DENND11: variants seen among roughly 807,000 people sequenced by gnomAD.
DENND11 encodes DENN domain-containing protein 11.
Under a neutral mutation model 49.2 loss-of-function variants are expected in DENND11, and 34 were observed. The observed-to-expected ratio is 0.69, with a 90% confidence interval of 0.53 to 0.92. The LOEUF is 0.92. Ranked by LOEUF, DENND11 falls within the 40% of genes least tolerant of loss-of-function variation. The pLI is 0.00. For missense variants in DENND11, 475 were observed against 581.6 expected, an observed-to-expected ratio of 0.82 and a Z score of 1.88; for synonymous variants, 238 against 230.3, an observed-to-expected ratio of 1.03 and a Z score of -0.30.
chr7:141,684,594 CA>C (rs1798201738), intron 3 of DENND11, among the ~76,000 whole-genome samples: 1 of 151,932 alleles, frequency 6.6e-6, no homozygotes, highest in Admixed American at 6.6e-5. Flanking sequence ...ACGTGTTTTC[CA>C]CAAACAAGTT....
intron 4 of DENND11, among the ~76,000 whole-genome samples, chr7:141,671,354 T>G (rs1031028122): frequency 1.3e-5 from 2 of 152,116 alleles, no homozygotes; most frequent in African/African-American, 2.4e-5. Flanking sequence ...TTTTTGTATT[T>G]TTAGTAGAGA....
In DENND11 at chr7:141,702,115, C is replaced by G. The variant is rs1798532452; in HGVS notation, c.39G>C (p.Trp13Cys). The stretch of plus-strand genomic sequence containing the variant: ...GCAGGGAGACGGCGGGGCCCTCGGC[C>G]CAGCGCAGCAGCGGCGCCGCGTCTC... Reference protein sequence around the residue: ...EQGDAAPLLRWAEGPAVSLPQ... With the variant: ...EQGDAAPLLRCAEGPAVSLPQ... Residue 13 changes from tryptophan to cysteine, a missense_variant, in exon 1 of 9, where the codon TGG (tryptophan) becomes TGC (cysteine). Trp to Cys is a radical substitution (Grantham distance 215). Transcript: ENST00000536163. 1.0e-6 allele frequency: 1 copy of G among 983,872 alleles called. No individual in the cohort carries two copies. 60.9% of individuals were successfully genotyped at this position (983,872 alleles called of 1,614,324 possible).
rs1031088422 is a variant in DENND11 at position 141,684,826 on chromosome 7, C to G, written c.527+652G>C. ...CAAAATCTGAAATGTAATTAGGTTA[C>G]CTGCATGATGAAAAAAATGTAAAGT... On this transcript the variant is annotated intron_variant, in intron 3 of 8. Transcript: ENST00000536163. Among the ~76,000 whole-genome samples the G allele has an allele frequency of 1.2e-4, 18 of 151,490 alleles. No individual in the cohort carries two copies. The South Asian group carries it at 1.9e-3, about 16-fold the overall frequency.
rs1554410465 is a variant in DENND11, at chr7:141,687,631, A to ACTTTTT, written c.269-974_269-973insAAAAAG. ...AGGCGCATACCAGCACACTCGGCTAATTTTTTTTTTTTTTTTTTTTGAGAC... is the reference window on the plus strand; with the variant it reads ...AGGCGCATACCAGCACACTCGGCTAACTTTTTTTTTTTTTTTTTTTTTTTTTGAGAC... On this transcript the variant is annotated intron_variant, in intron 1 of 8. Coordinates refer to ENST00000536163, the MANE Select transcript of DENND11 (RefSeq NM_001080392.2). 5.5e-4 allele frequency among the ~76,000 whole-genome samples: 62 copies of ACTTTTT among 112,822 alleles called. 1 individual carries two copies. Among genetic ancestry groups the ACTTTTT allele is most frequent in the African/African-American group, 2.0e-3 (61 of 30,396 alleles). 74.0% of individuals were successfully genotyped at this position (112,822 alleles called of 152,430 possible).
At chr7:141,695,190 A>G (rs770520902) in intron 1 of DENND11, among the ~76,000 whole-genome samples, 24 of 152,054 alleles carry the variant, frequency 1.6e-4, no homozygotes, top group Non-Finnish European at 2.4e-4. Flanking sequence ...TGGAACATAT[A>G]TTTCATGTTA....
chr7:141,672,079 G>A (rs746861666), intron 4 of DENND11, among the ~76,000 whole-genome samples: 30 of 152,322 alleles, frequency 2.0e-4, no homozygotes, highest in Non-Finnish European at 3.8e-4. Context: ...CACAGCACAC[G>A]TGGAGCCACA....
rs776747603 is a variant in DENND11, at chr7:141,665,300, AAGC to A, written c.836_838del (p.Cys279del). The stretch of plus-strand genomic sequence containing the variant: ...GATGCCAGGCAGTGAAACGTTGGCC[AAGC>A]AGCAGCAGCAGTACACTGTGGGGAT... On this transcript the variant is annotated inframe_deletion, in exon 6 of 9. Coordinates refer to ENST00000536163, the MANE Select transcript of DENND11 (RefSeq NM_001080392.2). 6.2e-7 allele frequency: 1 copy of A among 1,612,320 alleles called. No homozygotes were observed. Among genetic ancestry groups the A allele is most frequent in the East Asian group, 2.2e-5 (1 of 44,784 alleles).
intron 1 of DENND11, 124 bp downstream of exon 1, chr7:141,701,762 G>C (rs1798523597): frequency 1.2e-6 from 1 of 829,118 alleles, no homozygotes; most frequent in Non-Finnish European, 1.5e-6. Flanking sequence ...GCCCGGGGCC[G>C]GCCCTGGTGC....
chr7:141,662,441 A>G lies in DENND11; in HGVS notation c.*215T>C, dbSNP rs748946422. 4 of 428,954 alleles carry G rather than the reference A, an allele frequency of 9.3e-6. No homozygotes were observed. The highest frequency in any genetic ancestry group is 1.6e-5 in the Non-Finnish European group (4 of 245,642). The allele number at this position is 428,954 out of a possible 1,614,324, so 26.6% of individuals were successfully genotyped here. On this transcript the variant is annotated 3_prime_UTR_variant, in exon 9 of 9. Coordinates refer to ENST00000536163, the MANE Select transcript of DENND11 (RefSeq NM_001080392.2). The stretch of plus-strand genomic sequence containing the variant: ...CTCTGGGAGAAAGTGGCAGATTCCA[A>G]TATCCTAACATGGCAGGACACAAAA...
chr7:141,663,900 T>C, intron 8 of DENND11: 2 of 421,046 alleles, frequency 4.8e-6, no homozygotes, highest in Non-Finnish European at 8.6e-6. Context: ...TTCCAGGCAG[T>C]GGACATCCTC....
At chr7:141,692,496 T>C (rs896122215) in intron 1 of DENND11, among the ~76,000 whole-genome samples, 9 of 152,274 alleles carry the variant, frequency 5.9e-5, no homozygotes, top group African/African-American at 2.2e-4. Context: ...ACATAATCTT[T>C]GCCAAAGGAA....
At chr7:141,665,646 C>G (rs1797883706) in intron 5 of DENND11, among the ~76,000 whole-genome samples, 1 of 152,134 alleles carries the variant, frequency 6.6e-6, no homozygotes, top group Admixed American at 6.5e-5. Flanking sequence ...GCCTGTCCCT[C>G]CCTAGTCCTT....
intron 1 of DENND11, among the ~76,000 whole-genome samples, chr7:141,689,790 AAAATGT>A (rs1159093077): frequency 6.6e-6 from 1 of 152,216 alleles, no homozygotes; most frequent in African/African-American, 2.4e-5. Context: ...GAGTTTCTAC[AAAATGT>A]AATTATAGTT....
intron 1 of DENND11, among the ~76,000 whole-genome samples, chr7:141,692,911 GAAGAT>G (rs1408151509): frequency 1.3e-5 from 2 of 152,152 alleles, no homozygotes; most frequent in Non-Finnish European, 2.9e-5. Flanking sequence ...AAAATTTCTA[GAAGAT>G]AACACAGGAG....
intron 3 of DENND11, among the ~76,000 whole-genome samples, chr7:141,675,790 G>GA (rs1277056801): frequency 6.6e-6 from 1 of 151,996 alleles, no homozygotes; most frequent in Non-Finnish European, 1.5e-5. Flanking sequence ...TTTTAAAAAG[G>GA]AAAAAAATCA....
chr7:141,666,658 C>T (rs1196788006), intron 4 of DENND11, among the ~76,000 whole-genome samples: 3 of 152,072 alleles, frequency 2.0e-5, no homozygotes, highest in Non-Finnish European at 4.4e-5. Context: ...GTTGAGTGAT[C>T]ATTATTTTAC....
At chr7:141,673,106 G>A (rs17162413) in intron 4 of DENND11, among the ~76,000 whole-genome samples, 12,563 of 152,262 alleles carry the variant, frequency 0.083, 830 homozygotes, top group East Asian at 0.32. Context: ...AGGCAATGAA[G>A]TGGGGCAGGA....
chr7:141,665,146 T>C, intron 6 of DENND11, 41 bp downstream of exon 6: 2 of 1,612,184 alleles, frequency 1.2e-6, no homozygotes, highest in Non-Finnish European at 1.7e-6. Flanking sequence ...GGAGCAGGGC[T>C]GGGACCTGAG....
Position 141,678,390 on chromosome 7 carries a change from A to AT in DENND11, c.528-4171dup, listed in dbSNP as rs533608673. ...GTAGATATGTCTGGCTGGTGAGATC[A>AT]TTTTTTTCTTTGAGCTTTTCTCTAT... On this transcript the variant is annotated intron_variant, in intron 3 of 8. Transcript: ENST00000536163. 5.9e-5 allele frequency among the ~76,000 whole-genome samples: 9 copies of AT among 152,260 alleles called. No homozygotes were observed. In the East Asian group the frequency reaches 1.7e-3, roughly 29 times the overall value.
Sources: allele counts gnomAD v4.1 joint callset (sites outside exome capture counted in the v4.1 genomes callset), GRCh38; gene constraint gnomAD v4.1.1; transcripts MANE v1.5; gene names NCBI Gene and HGNC (gene_info 2026-07-23, HGNC 2026-07-21).